The following SAMD5 variants were observed in gnomAD, a reference collection of about 807,000 sequenced individuals.
The protein encoded by SAMD5 is sterile alpha motif domain-containing protein 5.
In SAMD5, 13 loss-of-function variants were observed where a neutral mutation model predicts 11.3. The ratio of observed to expected loss-of-function variants is 1.15; its 90% CI spans 0.75 to 1.83. The LOEUF (loss-of-function observed/expected upper bound fraction) is 1.83, where lower values mean the gene tolerates loss of function less well. Ranked by LOEUF, SAMD5 falls within the 40% of genes most tolerant of loss-of-function variation. The probability of loss-of-function intolerance (pLI) is 0.00; values close to 1 mark genes in which losing one functional copy is unlikely to be tolerated. For synonymous variants in SAMD5, 129 were observed against 111.3 expected (o/e 1.16, Z -1.00); for missense variants, 255 against 239.1 (o/e 1.07, Z -0.44).
At chr6:147,664,377 G>A (rs1359425850) in intron 1 of SAMD5, among the ~76,000 whole-genome samples, 1 of 152,082 alleles carries the variant, frequency 6.6e-6, no homozygotes, top group African/African-American at 2.4e-5. Context: ...TATACTATAA[G>A]CCATCTTCTG....
intron 1 of SAMD5, among the ~76,000 whole-genome samples, chr6:147,631,694 C>T (rs1790155002): frequency 1.3e-5 from 2 of 152,092 alleles, no homozygotes. Context: ...AAGTGTCTAC[C>T]CAGACCAAGA....
chr6:147,855,697 A>T, the SAMD5 span, among the ~76,000 whole-genome samples: 18 of 152,144 alleles, frequency 1.2e-4, no homozygotes, highest in Non-Finnish European at 2.1e-4. Flanking sequence ...AAATAAAAGA[A>T]CCCAGAAGGC....
the SAMD5 span, among the ~76,000 whole-genome samples, chr6:147,756,154 G>T: frequency 1.3e-5 from 2 of 152,078 alleles, no homozygotes; most frequent in African/African-American, 4.8e-5. Flanking sequence ...AACCATGTTT[G>T]CAGTCAAAGA....
At chr6:147,605,797 T>A (rs1583103754) in intron 1 of SAMD5, among the ~76,000 whole-genome samples, 1 of 152,256 alleles carries the variant, frequency 6.6e-6, no homozygotes, top group South Asian at 2.1e-4. Context: ...CCATCAGGAC[T>A]GTGTCTGATG....
chr6:147,849,797 G>T, the SAMD5 span, among the ~76,000 whole-genome samples: 3 of 152,226 alleles, frequency 2.0e-5, no homozygotes, highest in African/African-American at 7.2e-5. Flanking sequence ...ACAGAACCTG[G>T]GCTGGAGGCG....
chr6:147,597,386 A>C (rs150961885), intron 1 of SAMD5, among the ~76,000 whole-genome samples: 1 of 152,158 alleles, frequency 6.6e-6, no homozygotes, highest in African/African-American at 2.4e-5. Context: ...AAAGGAGACT[A>C]TTTATTAAAA....
chr6:147,813,793 T>G, the SAMD5 span, among the ~76,000 whole-genome samples: 1 of 152,230 alleles, frequency 6.6e-6, no homozygotes, highest in East Asian at 1.9e-4. Flanking sequence ...GGAGTAACTC[T>G]TTGGACTGAG....
intron 1 of SAMD5, 86 bp from the exon 2 acceptor site, chr6:147,564,307 TA>T: frequency 2.7e-6 from 2 of 748,326 alleles, no homozygotes; most frequent in Non-Finnish European, 2.5e-6. Flanking sequence ...AAGAATGACT[TA>T]AAAATAGGAG....
At chr6:147,637,223 C>T (rs968736940) in intron 1 of SAMD5, among the ~76,000 whole-genome samples, 1 of 152,186 alleles carries the variant, frequency 6.6e-6, no homozygotes, top group East Asian at 1.9e-4. Flanking sequence ...GATCCCAGGC[C>T]ACAACTGAGG....
the SAMD5 span, among the ~76,000 whole-genome samples, chr6:147,765,852 A>G: frequency 6.6e-6 from 1 of 152,200 alleles, no homozygotes; most frequent in Admixed American, 6.5e-5. Context: ...AGTGAGATCC[A>G]GGGATAAATA....
downstream of SAMD5, among the ~76,000 whole-genome samples, chr6:147,740,377 A>C (rs892280504): frequency 6.6e-6 from 1 of 152,190 alleles, no homozygotes; most frequent in Non-Finnish European, 1.5e-5. Flanking sequence ...TGAAGATAAC[A>C]CTAGGCCAGA....
Position 147,568,184 on chromosome 6 carries a change from A to G in SAMD5, c.*3728A>G, listed in dbSNP as rs1260682500. 4 of 985,254 alleles carry G rather than the reference A, an allele frequency of 4.1e-6. No homozygotes were observed. The highest frequency in any genetic ancestry group is 4.8e-6 in the Non-Finnish European group (4 of 829,898). The allele number at this position is 985,254 out of a possible 1,614,324, so 61.0% of individuals were successfully genotyped here. On this transcript the variant is annotated 3_prime_UTR_variant, in exon 2 of 2. Coordinates refer to ENST00000367474, the MANE Select transcript of SAMD5 (RefSeq NM_001030060.3). ...CTTCTGGGAAGAATCCAACCAAGATACAAAGCAGATGATGGTGGATCGGCA... is the reference window on the plus strand; with the variant it reads ...CTTCTGGGAAGAATCCAACCAAGATGCAAAGCAGATGATGGTGGATCGGCA...
rs1488263373 is a variant in SAMD5, at chr6:147,711,295, T to G, written c.163-26022T>G. 6.6e-6 allele frequency among the ~76,000 whole-genome samples: 1 copy of G among 152,130 alleles called. No individual in the cohort carries two copies. The highest frequency in any genetic ancestry group is 1.5e-5 in the Non-Finnish European group (1 of 68,028). On this transcript the variant is annotated intron_variant, in intron 1 of 1. Coordinates refer to the SAMD5 transcript ENST00000566741. This position sits in a 1 kb window ranked among gnomAD's most constrained non-coding sequence, Gnocchi z 4.1. ...CAGGGGTTTCACAGCTCGTAGGTTG[T>G]GGGACTGGGATTTGAATGCAGATCT...
chr6:147,538,130 G>A (rs1788542448), intron 1 of SAMD5, among the ~76,000 whole-genome samples: 1 of 152,088 alleles, frequency 6.6e-6, no homozygotes, highest in Admixed American at 6.5e-5. Flanking sequence ...AGAAAACCCT[G>A]TTATTTGGAC....
chr6:147,892,985 G>A, the SAMD5 span, among the ~76,000 whole-genome samples: 37 of 152,270 alleles, frequency 2.4e-4, no homozygotes, highest in Admixed American at 2.2e-3. Context: ...GGCTGAGGTG[G>A]GTAGATTGCC....
chr6:147,551,812 T>TTTTATATATATATA (rs368122795), intron 1 of SAMD5, among the ~76,000 whole-genome samples: 15 of 99,448 alleles, frequency 1.5e-4, no homozygotes, highest in Admixed American at 5.9e-4. Flanking sequence ...TATATATATG[T>TTTTATATATATATA]TATATATATA....
chr6:147,706,430 G>T (rs1240365755), intron 1 of SAMD5, among the ~76,000 whole-genome samples: 3 of 152,136 alleles, frequency 2.0e-5, no homozygotes, highest in Non-Finnish European at 2.9e-5. Context: ...GTTTTACCAT[G>T]TTGACCAGGC....
At chr6:147,889,064 A>G in the SAMD5 span, among the ~76,000 whole-genome samples, 1,135 of 152,234 alleles carry the variant, frequency 7.5e-3, 15 homozygotes, top group African/African-American at 0.026. Flanking sequence ...TTCTTCAAAT[A>G]CTTTTTGTTT....
chr6:147,536,534 T>C (rs1461072630), intron 1 of SAMD5, among the ~76,000 whole-genome samples: 2 of 152,132 alleles, frequency 1.3e-5, no homozygotes, highest in Non-Finnish European at 2.9e-5. Context: ...CCAAGAAGTT[T>C]TTTTTTTAAT....
Sources: gnomAD v4.1 joint callset for allele counts (sites outside exome capture counted in the v4.1 genomes callset) on GRCh38, gnomAD v4.1.1 for gene constraint, Gnocchi (gnomAD v3.1) non-coding constraint, MANE v1.5 for transcripts, NCBI Gene and HGNC (gene_info 2026-07-23, HGNC 2026-07-21) for gene names.